The following RBFOX1 variants were observed in gnomAD, a reference collection of about 807,000 sequenced individuals.
RBFOX1 encodes the protein RNA binding fox-1 homolog 1, also known as RNA binding protein fox-1 homolog 1.
In RBFOX1, 8 loss-of-function variants were observed where a neutral mutation model predicts 57.7. The ratio of observed to expected loss-of-function variants is 0.14; its 90% CI spans 0.08 to 0.25. The LOEUF is 0.25. Ranked by LOEUF, RBFOX1 falls within the 10% of genes least tolerant of loss-of-function variation. RBFOX1 has a pLI of 1.00. For missense variants in RBFOX1, 611 were observed against 548.5 expected (o/e 1.11, Z -1.14); for synonymous variants, 326 against 222.4 (o/e 1.47, Z -4.15).
At chr16:5,340,806 C>G (rs781438499) in intron 1 of RBFOX1, among the ~76,000 whole-genome samples, 1 of 152,142 alleles carries the variant, frequency 6.6e-6, no homozygotes, top group Non-Finnish European at 1.5e-5. Context: ...ATTTCCTATT[C>G]TCACATGGGA....
intron 3 of RBFOX1, among the ~76,000 whole-genome samples, chr16:6,840,218 G>T (rs934119347): frequency 6.6e-6 from 1 of 152,116 alleles, no homozygotes; most frequent in East Asian, 1.9e-4. Context: ...ACTAAAAAGA[G>T]GTCTTTCTTT....
At chr16:7,347,512 G>A (rs2097035927) in intron 4 of RBFOX1, among the ~76,000 whole-genome samples, 1 of 152,128 alleles carries the variant, frequency 6.6e-6, no homozygotes, top group Non-Finnish European at 1.5e-5. Context: ...GGAATCGTGG[G>A]AGATACAATT....
At chr16:5,624,283 C>T (rs145220334) in intron 3 of RBFOX1, among the ~76,000 whole-genome samples, 2 of 152,318 alleles carry the variant, frequency 1.3e-5, no homozygotes, top group Non-Finnish European at 1.5e-5. Flanking sequence ...CAAGCTCTAC[C>T]TTCTGGGTTC....
chr16:6,027,954 C>T (rs1159243829), intron 1 of RBFOX1, among the ~76,000 whole-genome samples: 1 of 152,154 alleles, frequency 6.6e-6, no homozygotes, highest in Non-Finnish European at 1.5e-5. Context: ...GATTGATTGG[C>T]AGAGAGAAAC....
At chr16:7,071,974 C>T (rs138835505) in intron 4 of RBFOX1, among the ~76,000 whole-genome samples, 1 of 152,102 alleles carries the variant, frequency 6.6e-6, no homozygotes, top group South Asian at 2.1e-4. Context: ...CCTAATATCT[C>T]TTAAGTCTAT....
At chr16:7,164,932 A>C (rs186069373) in intron 4 of RBFOX1, among the ~76,000 whole-genome samples, 1 of 152,298 alleles carries the variant, frequency 6.6e-6, no homozygotes, top group African/African-American at 2.4e-5. Context: ...TGAATCATCA[A>C]CTGGAATAGG....
intron 3 of RBFOX1, among the ~76,000 whole-genome samples, chr16:6,954,398 C>T (rs1346124446): frequency 1.3e-5 from 2 of 151,928 alleles, no homozygotes; most frequent in Non-Finnish European, 2.9e-5. Flanking sequence ...TAGATGTGTC[C>T]CTCGTTTGCA....
chr16:7,165,486 A>G (rs1338804943), intron 4 of RBFOX1, among the ~76,000 whole-genome samples: 4 of 151,346 alleles, frequency 2.6e-5, no homozygotes, highest in Non-Finnish European at 4.4e-5. Flanking sequence ...CTGGAGTGCA[A>G]TGGCATGATC....
intron 14 of RBFOX1, among the ~76,000 whole-genome samples, chr16:7,699,968 T>C (rs1005033966): frequency 1.3e-5 from 2 of 152,130 alleles, no homozygotes; most frequent in African/African-American, 4.8e-5. Context: ...AGTGTCTTGG[T>C]ATTGGATTTT....
At chr16:5,849,302 C>T (rs1037472374) in intron 3 of RBFOX1, among the ~76,000 whole-genome samples, 4 of 152,058 alleles carry the variant, frequency 2.6e-5, no homozygotes, top group African/African-American at 9.7e-5. Flanking sequence ...TGGGAAATGG[C>T]AGTAACAAGT....
chr16:5,352,145 C>G (rs2065275465), intron 1 of RBFOX1, among the ~76,000 whole-genome samples: 1 of 152,058 alleles, frequency 6.6e-6, no homozygotes, highest in Non-Finnish European at 1.5e-5. Context: ...CCAGTATGGT[C>G]TGTTTGATCT....
chr16:5,373,072 G>T (rs947278229), intron 1 of RBFOX1, among the ~76,000 whole-genome samples: 2 of 152,174 alleles, frequency 1.3e-5, no homozygotes, highest in Admixed American at 1.3e-4. Flanking sequence ...TTCTGAAACT[G>T]GTGGGAACCC....
chr16:6,568,493 A>G (rs2097298741), intron 2 of RBFOX1, among the ~76,000 whole-genome samples: 1 of 152,066 alleles, frequency 6.6e-6, no homozygotes, highest in South Asian at 2.1e-4. Context: ...GTCTTTTATA[A>G]CCCAACCTCA....
chr16:5,888,770 C>T (rs1026086421), intron 4 of RBFOX1, among the ~76,000 whole-genome samples: 1 of 142,740 alleles, frequency 7.0e-6, no homozygotes, highest in African/African-American at 2.7e-5. Flanking sequence ...GCACTCCAAT[C>T]TGGGCGACAA....
At chr16:7,537,483 G>C (rs1018921148) in intron 5 of RBFOX1, among the ~76,000 whole-genome samples, 10 of 151,722 alleles carry the variant, frequency 6.6e-5, no homozygotes, top group Admixed American at 5.3e-4. Context: ...GTCTGACTTA[G>C]TAATATGTCT....
At chr16:7,576,988 G>C (rs1373259837) in intron 5 of RBFOX1, among the ~76,000 whole-genome samples, 1 of 152,154 alleles carries the variant, frequency 6.6e-6, no homozygotes, top group African/African-American at 2.4e-5. Flanking sequence ...GCTCATTTCT[G>C]TGTCATGGAC....
chr16:7,317,312 G>T lies in RBFOX1; in HGVS notation c.28-200835G>T, dbSNP rs983210171. On this transcript the variant is annotated intron_variant, in intron 4 of 15. Coordinates refer to ENST00000550418, the MANE Select transcript of RBFOX1 (RefSeq NM_018723.4). ...ACTTCGGCAGGCTTTGGTGAAGTCA[G>T]GTGGCACTGACCTGGGTGGTATGCA... 3.3e-5 allele frequency among the ~76,000 whole-genome samples: 5 copies of T among 152,182 alleles called. No individual in the cohort carries two copies. The East Asian group carries it at 5.8e-4, about 18-fold the overall frequency.
intron 4 of RBFOX1, among the ~76,000 whole-genome samples, chr16:7,395,793 C>T (rs4511556): frequency 0.23 from 34,944 of 152,062 alleles, 4,272 homozygotes; most frequent in African/African-American, 0.32. Flanking sequence ...TACATATTTA[C>T]CCTCAAAGAC....
At chr16:7,692,911 C>G (rs2077686384) in intron 14 of RBFOX1, among the ~76,000 whole-genome samples, 1 of 151,064 alleles carries the variant, frequency 6.6e-6, no homozygotes, top group African/African-American at 2.4e-5. Flanking sequence ...TATTATAAGT[C>G]TAGAATTTTA....
Sources: allele counts gnomAD v4.1 joint callset (sites outside exome capture counted in the v4.1 genomes callset), GRCh38; gene constraint gnomAD v4.1.1; transcripts MANE v1.5; gene names NCBI Gene and HGNC (gene_info 2026-07-23, HGNC 2026-07-21).